Variants in SPECC1 observed in about 807,000 individuals in gnomAD.
The protein encoded by SPECC1 is cytospin-B.
In SPECC1, 62 loss-of-function variants were observed where a neutral mutation model predicts 104.1. The observed-to-expected ratio is 0.60, with a 90% CI of 0.49 to 0.74. The LOEUF (loss-of-function observed/expected upper bound fraction) is 0.74, where lower values mean the gene tolerates loss of function less well. Ranked by LOEUF, SPECC1 falls within the 30% of genes least tolerant of loss-of-function variation. SPECC1 has a pLI of 0.00. For synonymous variants in SPECC1, 513 were observed against 501.6 expected, an observed-to-expected ratio of 1.02 and a Z score of -0.30; for missense variants, 1,306 against 1,310.5, an observed-to-expected ratio of 1.00 and a Z score of 0.05.
chr17:20,292,561 G>C (rs141461908), intron 12 of SPECC1, among the ~76,000 whole-genome samples: 3 of 152,200 alleles, frequency 2.0e-5, no homozygotes, highest in East Asian at 3.9e-4. Context: ...AACTCCTGAC[G>C]TCAGGTGATC....
chr17:20,147,942 T>TC (rs1330845304), intron 3 of SPECC1, among the ~76,000 whole-genome samples: 42 of 152,078 alleles, frequency 2.8e-4, no homozygotes, highest in African/African-American at 9.6e-4. Flanking sequence ...GGAGGGAGGC[T>TC]GAGGTGGGAG....
At chr17:20,293,017 T>C (rs2041224878) in intron 12 of SPECC1, among the ~76,000 whole-genome samples, 1 of 152,166 alleles carries the variant, frequency 6.6e-6, no homozygotes, top group Non-Finnish European at 1.5e-5. Context: ...AGAAGAGGTT[T>C]GCTGGGAAGA....
intron 4 of SPECC1, among the ~76,000 whole-genome samples, chr17:20,208,128 A>G (rs570802998): frequency 7.0e-4 from 106 of 152,354 alleles, no homozygotes; most frequent in Middle Eastern, 3.4e-3. Context: ...CACAACATAT[A>G]TGTTTAAAAT....
chr17:20,143,084 CAGA>C lies in SPECC1; in HGVS notation c.283+32530_283+32532del, dbSNP rs1463270100. Among the ~76,000 whole-genome samples the C allele has an allele frequency of 4.7e-5, 7 of 149,852 alleles. No homozygotes were observed. In the East Asian group the frequency reaches 1.2e-3, roughly 25 times the overall value. ...AAAATAAAAATAATAAAGGGAATAA[CAGA>C]AGAAGAACAGAGAAGAAAGTTAAAG... On this transcript the variant is annotated intron_variant, in intron 3 of 14. Transcript: ENST00000395527.
intron 7 of SPECC1, among the ~76,000 whole-genome samples, chr17:20,235,716 A>G (rs1250685200): frequency 1.3e-5 from 2 of 152,264 alleles, no homozygotes; most frequent in Non-Finnish European, 2.9e-5. Context: ...TGTGTCTGTC[A>G]TATAACACCA....
At chr17:20,101,647 G>T (rs1377225177) in intron 2 of SPECC1, among the ~76,000 whole-genome samples, 3 of 152,160 alleles carry the variant, frequency 2.0e-5, no homozygotes, top group Non-Finnish European at 4.4e-5. Context: ...CATTTGCGAG[G>T]CCCAGGTCTA....
At chr17:20,154,646 G>T (rs34089239) in intron 3 of SPECC1, among the ~76,000 whole-genome samples, 44,316 of 152,108 alleles carry the variant, frequency 0.29, 8,255 homozygotes, top group Non-Finnish European at 0.41. Context: ...CGTTGCAAGT[G>T]GGGGTGTGAC....
In SPECC1 at chr17:20,318,016, T is replaced by C; in HGVS notation, c.*3951T>C. The C allele has an allele frequency of 4.4e-6, 1 of 229,060 alleles. No homozygotes were observed. The highest frequency in any genetic ancestry group is 8.6e-6 in the Non-Finnish European group (1 of 115,612). 14.2% of individuals were successfully genotyped at this position (229,060 alleles called of 1,614,324 possible). Reference sequence around the variant, plus strand: ...CAGGAAAACAAGGTCAGCATCTTATTTTTTCTATACTCAGCAGAGTGTGCC... The same window carrying C: ...CAGGAAAACAAGGTCAGCATCTTATCTTTTCTATACTCAGCAGAGTGTGCC... On this transcript the variant is annotated 3_prime_UTR_variant, in exon 15 of 15. Coordinates refer to ENST00000395527, the MANE Select transcript of SPECC1 (RefSeq NM_001243439.2).
rs181224464 is a variant in SPECC1, at chr17:20,118,215, T to G, written c.283+7653T>G. 5.3e-5 allele frequency among the ~76,000 whole-genome samples: 8 copies of G among 152,306 alleles called. No homozygotes were observed. In the South Asian group the frequency reaches 1.0e-3, roughly 20 times the overall value. ...AACAGTTTATCATTTCTGGTGTCATTAAGGGTGTAAAGAGCCACATATGGT... is the reference window on the plus strand; with the variant it reads ...AACAGTTTATCATTTCTGGTGTCATGAAGGGTGTAAAGAGCCACATATGGT... On this transcript the variant is annotated intron_variant, in intron 3 of 14. Transcript: ENST00000395527.
intron 12 of SPECC1, among the ~76,000 whole-genome samples, chr17:20,291,257 A>G (rs1224092488): frequency 6.6e-6 from 1 of 152,130 alleles, no homozygotes; most frequent in Admixed American, 6.5e-5. Context: ...GCCCTCTCCC[A>G]CCCTCAGCCT....
At chr17:20,169,183 A>G (rs1223960515) in intron 3 of SPECC1, among the ~76,000 whole-genome samples, 3 of 152,212 alleles carry the variant, frequency 2.0e-5, no homozygotes, top group African/African-American at 7.2e-5. Context: ...TGGTTTGTTA[A>G]AAGGTTTCAT....
At chr17:20,207,790 T>G (rs1036865550) in intron 4 of SPECC1, among the ~76,000 whole-genome samples, 1 of 152,216 alleles carries the variant, frequency 6.6e-6, no homozygotes. Context: ...GATTATGATA[T>G]TTTGTCTTCC....
chr17:20,060,205 G>A (rs2046132650), intron 1 of SPECC1, among the ~76,000 whole-genome samples: 1 of 152,038 alleles, frequency 6.6e-6, no homozygotes, highest in Non-Finnish European at 1.5e-5. Flanking sequence ...TTTCCTTTTG[G>A]TAATGAAGTG....
intron 3 of SPECC1, among the ~76,000 whole-genome samples, chr17:20,158,930 T>C (rs2032872308): frequency 6.6e-6 from 1 of 151,894 alleles, no homozygotes; most frequent in Non-Finnish European, 1.5e-5. Flanking sequence ...TGTTTTGTTT[T>C]TTTTTGTAGA....
intron 13 of SPECC1, among the ~76,000 whole-genome samples, chr17:20,304,117 C>CAAAA (rs774130653): frequency 2.0e-4 from 8 of 39,336 alleles, no homozygotes; most frequent in Non-Finnish European, 2.4e-4. Context: ...ACTAAAAATA[C>CAAAA]AAAAAAAAAA....
At chr17:20,231,170 T>G (rs2038549163) in intron 5 of SPECC1, among the ~76,000 whole-genome samples, 3 of 152,170 alleles carry the variant, frequency 2.0e-5, no homozygotes, top group Admixed American at 2.0e-4. Flanking sequence ...GGGAAGATGT[T>G]AAATGCACAC....
intron 1 of SPECC1, among the ~76,000 whole-genome samples, chr17:20,052,601 C>G (rs2045815911): frequency 6.6e-6 from 1 of 152,160 alleles, no homozygotes; most frequent in Non-Finnish European, 1.5e-5. Flanking sequence ...AGTGACATCT[C>G]CAAGATACCA....
chr17:20,135,948 C>G (rs2029909626), intron 3 of SPECC1, among the ~76,000 whole-genome samples: 1 of 152,180 alleles, frequency 6.6e-6, no homozygotes, highest in South Asian at 2.1e-4. Context: ...AGCAAATTAA[C>G]CTACCAACTA....
chr17:20,112,307 C>T lies in SPECC1; in HGVS notation c.283+1745C>T, dbSNP rs1469383801. The T allele has an allele frequency of 7.9e-6, 6 of 758,696 alleles. No individual in the cohort carries two copies. The Admixed American group carries it at 1.0e-4, about 13-fold the overall frequency. The allele number at this position is 758,696 out of a possible 1,614,324, so 47.0% of individuals were successfully genotyped here. ...ATGGAGAGCTTATTGTACATGATGG[C>T]ATTAATTTATTGGATATGTTAGAAG... On this transcript the variant is annotated intron_variant, in intron 3 of 14. Transcript: ENST00000395527.
Sources: gnomAD v4.1 joint callset for allele counts (sites outside exome capture counted in the v4.1 genomes callset) on GRCh38, gnomAD v4.1.1 for gene constraint, MANE v1.5 for transcripts, NCBI Gene and HGNC (gene_info 2026-07-23, HGNC 2026-07-21) for gene names.